Variants in ARHGAP12 observed in about 807,000 individuals in gnomAD.
The protein encoded by ARHGAP12 is rho GTPase-activating protein 12.
Under a neutral mutation model 108.6 loss-of-function variants are expected in ARHGAP12, and 64 were observed. The observed-to-expected ratio is 0.59, with a 90% CI of 0.48 to 0.73. ARHGAP12 has a LOEUF of 0.73. ARHGAP12 is among the 30% of genes least tolerant of loss of function. The pLI, the probability that ARHGAP12 is intolerant of heterozygous loss-of-function variation, is 0.00. For synonymous variants in ARHGAP12, 312 were observed against 337.2 expected (o/e 0.93, Z 0.82); for missense variants, 940 against 1,005.9 (o/e 0.93, Z 0.89).
chr10:31,847,179 G>A (rs1836493827), intron 6 of ARHGAP12, among the ~76,000 whole-genome samples: 1 of 151,992 alleles, frequency 6.6e-6, no homozygotes, highest in Non-Finnish European at 1.5e-5. Flanking sequence ...AAAATCCTAT[G>A]AGATAATTCA....
intron 1 of ARHGAP12, among the ~76,000 whole-genome samples, chr10:31,920,241 G>T (rs899555557): frequency 1.3e-5 from 2 of 150,810 alleles, no homozygotes; most frequent in Non-Finnish European, 3.0e-5. Flanking sequence ...TCACAAGGTC[G>T]GCAGTTCCAG....
intron 9 of ARHGAP12, among the ~76,000 whole-genome samples, chr10:31,833,586 C>A (rs1039429381): frequency 6.6e-6 from 1 of 152,192 alleles, no homozygotes; most frequent in Non-Finnish European, 1.5e-5. Context: ...AGTACTAATG[C>A]TCTATTAATC....
At chr10:31,809,865 G>A (rs1030713471) in intron 16 of ARHGAP12, among the ~76,000 whole-genome samples, 4 of 151,924 alleles carry the variant, frequency 2.6e-5, no homozygotes, top group African/African-American at 9.7e-5. Flanking sequence ...ATACAATTAA[G>A]CCCCGAAATT....
chr10:31,889,619 G>GTTTTTTTTTTTTT (rs869116452), intron 3 of ARHGAP12, among the ~76,000 whole-genome samples: 6 of 66,444 alleles, frequency 9.0e-5, no homozygotes, highest in Non-Finnish European at 1.3e-4. Flanking sequence ...AATTTTTCTC[G>GTTTTTTTTTTTTT]TTTTTTTTTT....
intron 3 of ARHGAP12, among the ~76,000 whole-genome samples, chr10:31,893,088 C>T (rs1838523432): frequency 6.6e-6 from 1 of 152,128 alleles, no homozygotes; most frequent in African/African-American, 2.4e-5. Flanking sequence ...ATCTCTGGGA[C>T]ACATTTAAAG....
chr10:31,818,463 T>C (rs1237647942), intron 12 of ARHGAP12, among the ~76,000 whole-genome samples: 1 of 152,182 alleles, frequency 6.6e-6, no homozygotes. Context: ...GAATACTATG[T>C]TTATTCTATA....
intron 11 of ARHGAP12, among the ~76,000 whole-genome samples, chr10:31,823,836 T>C (rs937427454): frequency 2.0e-5 from 3 of 151,822 alleles, no homozygotes; most frequent in Non-Finnish European, 4.4e-5. Flanking sequence ...GAGGTGACTG[T>C]TGGTTTTTTG....
At chr10:31,918,529 C>G (rs1839660016) in intron 1 of ARHGAP12, among the ~76,000 whole-genome samples, 1 of 151,932 alleles carries the variant, frequency 6.6e-6, no homozygotes, top group Admixed American at 6.6e-5. Context: ...ATAACGAGGC[C>G]CCGTCTCTAC....
At chr10:31,840,173 T>C (rs1175313865) in intron 7 of ARHGAP12, among the ~76,000 whole-genome samples, 2 of 152,048 alleles carry the variant, frequency 1.3e-5, no homozygotes, top group Admixed American at 1.3e-4. Flanking sequence ...AGTCAAAAGC[T>C]ATATAAGAAA....
At chr10:31,846,516 G>A (rs1475107269) in intron 6 of ARHGAP12, among the ~76,000 whole-genome samples, 3 of 152,156 alleles carry the variant, frequency 2.0e-5, no homozygotes, top group Non-Finnish European at 4.4e-5. Flanking sequence ...TTTTCTTCTA[G>A]CATTTGAAAA....
chr10:31,853,409 GA>G (rs1836771267), intron 5 of ARHGAP12, among the ~76,000 whole-genome samples: 1 of 151,956 alleles, frequency 6.6e-6, no homozygotes, highest in Non-Finnish European at 1.5e-5. Flanking sequence ...AATATGAGGG[GA>G]AAAAAGACTA....
chr10:31,869,956 C>T (rs1837477043), intron 3 of ARHGAP12, among the ~76,000 whole-genome samples: 1 of 152,162 alleles, frequency 6.6e-6, no homozygotes, highest in Admixed American at 6.5e-5. Flanking sequence ...GCACATGCTA[C>T]TTAGTATTAA....
At chr10:31,853,998 C>T (rs534882494) in intron 5 of ARHGAP12, 68 bp downstream of exon 5, 1 of 1,449,198 alleles carries the variant, frequency 6.9e-7, no homozygotes, top group Non-Finnish European at 9.3e-7. Context: ...AATACTAAAA[C>T]TGCAGTACAC....
intron 3 of ARHGAP12, among the ~76,000 whole-genome samples, chr10:31,907,174 C>CA (rs1035888476): frequency 2.6e-4 from 40 of 152,148 alleles, no homozygotes; most frequent in African/African-American, 9.4e-4. Flanking sequence ...AATCTTACAA[C>CA]AGAACTTCAA....
chr10:31,812,538 C>G, intron 15 of ARHGAP12, 169 bp downstream of exon 15: 1 of 452,984 alleles, frequency 2.2e-6, no homozygotes, highest in Non-Finnish European at 3.8e-6. Flanking sequence ...TTAAAATAAA[C>G]TTTCAAAAAA....
chr10:31,891,242 T>C (rs1838417004), intron 3 of ARHGAP12, among the ~76,000 whole-genome samples: 1 of 152,230 alleles, frequency 6.6e-6, no homozygotes, highest in Non-Finnish European at 1.5e-5. Context: ...TCATCATCAA[T>C]GAATAAACTC....
At chr10:31,891,573 C>T (rs2132402263) in intron 3 of ARHGAP12, among the ~76,000 whole-genome samples, 1 of 151,694 alleles carries the variant, frequency 6.6e-6, no homozygotes, top group East Asian at 1.9e-4. Flanking sequence ...AGTTGCTCTT[C>T]TCGAGGAGTA....
chr10:31,858,086 C>A (rs1435347342), intron 4 of ARHGAP12, among the ~76,000 whole-genome samples: 1 of 152,088 alleles, frequency 6.6e-6, no homozygotes. Context: ...TGCTTGTAGT[C>A]CCAGCTACCT....
At chr10:31,854,303 G>T in intron 4 of ARHGAP12, 97 bp from the exon 5 acceptor site, 1 of 1,049,276 alleles carries the variant, frequency 9.5e-7, no homozygotes, top group Non-Finnish European at 1.3e-6. Context: ...CTATAAGTAT[G>T]AAGATATCTT....
Sources: gnomAD v4.1 joint callset for allele counts (sites outside exome capture counted in the v4.1 genomes callset) on GRCh38, gnomAD v4.1.1 for gene constraint, MANE v1.5 for transcripts, NCBI Gene and HGNC (gene_info 2026-07-23, HGNC 2026-07-21) for gene names.